POU2F2: variants seen among roughly 807,000 people sequenced by gnomAD.
The protein encoded by POU2F2 is POU class 2 homeobox 2, also known as POU domain, class 2, transcription factor 2.
POU2F2 carries 14 observed loss-of-function variants against 63.5 expected under a neutral mutation model. The observed-to-expected ratio is 0.22, with a 90% CI of 0.15 to 0.34. The LOEUF (loss-of-function observed/expected upper bound fraction) is 0.34, where lower values mean the gene tolerates loss of function less well. Ranked by LOEUF, POU2F2 falls within the 10% of genes least tolerant of loss-of-function variation. The pLI is 1.00. For synonymous variants in POU2F2, 306 were observed against 348.6 expected, an observed-to-expected ratio of 0.88 and a Z score of 1.36; for missense variants, 607 against 815.2, an observed-to-expected ratio of 0.74 and a Z score of 3.11.
chr19:42,105,996 CTTT>C (rs1177139816), intron 5 of POU2F2, among the ~76,000 whole-genome samples: 7 of 134,116 alleles, frequency 5.2e-5, no homozygotes, highest in African/African-American at 8.2e-5. Context: ...TAGGATCTTT[CTTT>C]TTTCTTTCTT....
chr19:42,165,233 A>G (rs560913224), intron 1 of POU2F2, among the ~76,000 whole-genome samples: 84 of 152,318 alleles, frequency 5.5e-4, no homozygotes, highest in African/African-American at 1.7e-3. Flanking sequence ...CAGTGCCCTC[A>G]AGAATGTGAA....
In POU2F2 at chr19:42,169,655, G is replaced by C. The variant is rs1347676203; in HGVS notation, c.-70+6308C>G. On this transcript the variant is annotated intron_variant, in intron 1 of 6. Transcript: ENST00000524801. This position sits in a 1 kb window ranked among gnomAD's most constrained non-coding sequence, Gnocchi z 4.3. ...TGTCTCTTGCAGGATCATTGCATGT[G>C]TCTGCATGCTTATGTATTTCAGTAT... is the stretch of plus-strand genomic sequence containing the variant. Among the ~76,000 whole-genome samples the C allele has an allele frequency of 6.6e-6, 1 of 152,132 alleles. No individual in the cohort carries two copies. The highest frequency in any genetic ancestry group is 1.5e-5 in the Non-Finnish European group (1 of 68,028).
chr19:42,173,744 G>A (rs1046618991), intron 1 of POU2F2, among the ~76,000 whole-genome samples: 3 of 151,922 alleles, frequency 2.0e-5, no homozygotes, highest in Non-Finnish European at 4.4e-5. Flanking sequence ...GGAAGTGAGC[G>A]CAACCAAGAC....
In POU2F2 at chr19:42,089,576, G is replaced by A. The variant is rs935313003; in HGVS notation, c.*1681C>T. ...CTTTCCCAAAGACAACGTCCATGAG[G>A]TATTTGTGAAGAGAAAGAAGCATCC... On this transcript the variant is annotated 3_prime_UTR_variant, in exon 15 of 15. Transcript: ENST00000692977. 6.6e-6 allele frequency: 1 copy of A among 152,244 alleles called. No homozygotes were observed. Among genetic ancestry groups the A allele is most frequent in the Non-Finnish European group, 1.5e-5 (1 of 67,932 alleles). 9.4% of individuals were successfully genotyped at this position (152,244 alleles called of 1,614,324 possible). A position where few individuals can be genotyped will look rare whatever the true frequency, so the allele number is the denominator to read the frequency against.
chr19:42,172,930 T>C (rs1334505578), intron 1 of POU2F2, among the ~76,000 whole-genome samples: 1 of 152,136 alleles, frequency 6.6e-6, no homozygotes, highest in Non-Finnish European at 1.5e-5. Context: ...AGGACAGACC[T>C]ATAAGGACAG....
chr19:42,104,152 C>T (rs371196172), intron 5 of POU2F2, among the ~76,000 whole-genome samples: 5 of 152,182 alleles, frequency 3.3e-5, no homozygotes, highest in South Asian at 4.1e-4. Context: ...AAGATAAACA[C>T]GACTGCAATT....
chr19:42,121,581 G>A (rs2032615640), intron 4 of POU2F2, among the ~76,000 whole-genome samples: 1 of 152,148 alleles, frequency 6.6e-6, no homozygotes, highest in Non-Finnish European at 1.5e-5. Flanking sequence ...CTACCTTCAA[G>A]CCTCTGGACC....
chr19:42,161,245 T>C (rs1316216152), intron 1 of POU2F2, among the ~76,000 whole-genome samples: 1 of 152,156 alleles, frequency 6.6e-6, no homozygotes, highest in Non-Finnish European at 1.5e-5. Context: ...TGCCAGGACT[T>C]TGCCTGTCCA....
rs1391997835 is a variant in POU2F2 at position 42,132,400 on chromosome 19, G to A, written c.12C>T (p.Ser4=). 2.6e-6 allele frequency: 4 copies of A among 1,556,510 alleles called. No homozygotes were observed. Among genetic ancestry groups the A allele is most frequent in the Non-Finnish European group, 3.5e-6 (4 of 1,155,782 alleles). MVH[S]SMGAPEIRMS... ...CCCCCTTACCTGGAGCCCCCATGCT[G>A]GAGTGAACCATGCTGCCCGCCCCGC... The change falls in exon 1 of 15, where the codon TCC becomes TCT. Residue 4 remains serine, a synonymous_variant. Transcript: ENST00000692977.
At chr19:42,176,723 C>G (rs1222329209), upstream of POU2F2, among the ~76,000 whole-genome samples, 3 of 151,438 alleles carry the variant, frequency 2.0e-5, no homozygotes, top group African/African-American at 4.9e-5. Context: ...CTGACCCCCC[C>G]CATCCCCAAA....
At chr19:42,158,490 G>A (rs2034496854) in intron 2 of POU2F2, among the ~76,000 whole-genome samples, 1 of 152,228 alleles carries the variant, frequency 6.6e-6, no homozygotes. Context: ...CCTTAGGCAA[G>A]TTGCCTTCAC....
chr19:42,175,124 C>A (rs2034847764), intron 1 of POU2F2, among the ~76,000 whole-genome samples: 1 of 152,154 alleles, frequency 6.6e-6, no homozygotes, highest in Non-Finnish European at 1.5e-5. Context: ...GAGTCGACAG[C>A]CATGAGCCCT....
Position 42,117,533 on chromosome 19 carries a change from C to T in POU2F2, c.187-101G>A, listed in dbSNP as rs890861190. 29 of 583,648 alleles carry T rather than the reference C, an allele frequency of 5.0e-5. No individual in the cohort carries two copies. The highest frequency in any genetic ancestry group is 7.8e-5 in the Non-Finnish European group (26 of 334,736). 36.2% of individuals were successfully genotyped at this position (583,648 alleles called of 1,614,324 possible). The stretch of plus-strand genomic sequence containing the variant: ...CATGAGGGTGCAGTCTGTGGTCCTG[C>T]ACTGACCGCTGGGAGCTTCAAACCA... On this transcript the variant is annotated intron_variant, in intron 4 of 14. Transcript: ENST00000692977. The surrounding 1 kb of genome is among the most constrained non-coding windows in gnomAD (Gnocchi z 4.4).
At chr19:42,184,614 C>T (rs1227491190) in intron 1 of POU2F2, among the ~76,000 whole-genome samples, 2 of 152,152 alleles carry the variant, frequency 1.3e-5, no homozygotes, top group African/African-American at 2.4e-5. Flanking sequence ...CCCACTACTG[C>T]CCCCCAAGAC....
chr19:42,105,523 T>C (rs1401047128), intron 5 of POU2F2, among the ~76,000 whole-genome samples: 1 of 152,172 alleles, frequency 6.6e-6, no homozygotes, highest in Non-Finnish European at 1.5e-5. Flanking sequence ...TGACTCTCAA[T>C]GAAAATTCCC....
chr19:42,126,616 A>G (rs2033225969), intron 1 of POU2F2, among the ~76,000 whole-genome samples: 1 of 152,156 alleles, frequency 6.6e-6, no homozygotes, highest in Non-Finnish European at 1.5e-5. Flanking sequence ...GTAATTGTGA[A>G]AATGAATTTC....
chr19:42,165,266 G>C (rs746704477), intron 1 of POU2F2, among the ~76,000 whole-genome samples: 1 of 152,224 alleles, frequency 6.6e-6, no homozygotes, highest in Non-Finnish European at 1.5e-5. Flanking sequence ...CTGCTGAATG[G>C]AGAAGAGCTC....
intron 1 of POU2F2, among the ~76,000 whole-genome samples, chr19:42,129,083 T>G (rs1022443108): frequency 2.0e-5 from 3 of 152,084 alleles, no homozygotes; most frequent in East Asian, 1.9e-4. Context: ...TCCGCCCACC[T>G]CAGCATTCCA....
intron 1 of POU2F2, among the ~76,000 whole-genome samples, chr19:42,129,215 G>C (rs1263015906): frequency 6.6e-6 from 1 of 152,106 alleles, no homozygotes; most frequent in Non-Finnish European, 1.5e-5. Flanking sequence ...CAAAAGATTG[G>C]TTGGTTATGT....
Sources: allele counts gnomAD v4.1 joint callset (sites outside exome capture counted in the v4.1 genomes callset), GRCh38; gene constraint gnomAD v4.1.1; non-coding constraint Gnocchi (gnomAD v3.1); transcripts MANE v1.5; gene names NCBI Gene and HGNC (gene_info 2026-07-23, HGNC 2026-07-21).